CMYA5: variants seen among roughly 807,000 people sequenced by gnomAD.
CMYA5 encodes cardiomyopathy-associated protein 5.
A neutral mutation model predicts 318.9 loss-of-function variants in CMYA5; 246 were observed. That is an observed-to-expected ratio of 0.77 (90% confidence interval 0.70 to 0.86). The LOEUF (loss-of-function observed/expected upper bound fraction) is 0.86. Ranked by LOEUF, CMYA5 falls within the 40% of genes least tolerant of loss-of-function variation. CMYA5 has a pLI of 0.00. For missense variants in CMYA5, 4,589 were observed against 4,678.2 expected (o/e 0.98, Z 0.56); for synonymous variants, 1,641 against 1,729.5 (o/e 0.95, Z 1.27).
In CMYA5 at chr5:79,735,782, T is replaced by C; in HGVS notation, c.7017T>C (p.His2339=). The C allele has an allele frequency of 6.4e-7, 1 of 1,562,330 alleles. No individual in the cohort carries two copies. Among genetic ancestry groups the C allele is most frequent in the Non-Finnish European group, 8.6e-7 (1 of 1,162,126 alleles). Reference sequence around the variant, plus strand: ...AAGCCAAAACTATTGTTCCTCCTCATGTTACTGATAGTAAAAGAGTCCAGA... The same window carrying C: ...AAGCCAAAACTATTGTTCCTCCTCACGTTACTGATAGTAAAAGAGTCCAGA... ...MEEAKTIVPP[H]VTDSKRVQKP... The change falls in exon 2 of 13, where the codon CAT becomes CAC. Residue 2339 remains histidine (H), a synonymous_variant. Transcript: ENST00000446378.
At chr5:79,712,387 T>C (rs1827411781) in intron 1 of CMYA5, among the ~76,000 whole-genome samples, 1 of 152,180 alleles carries the variant, frequency 6.6e-6, no homozygotes, top group South Asian at 2.1e-4. Flanking sequence ...GTAATTTTTG[T>C]ATTTTTGTAT....
rs1561213928 is a variant in CMYA5, at chr5:79,738,602, AG to A, written c.9841del (p.Glu3281LysfsTer28). ...DDSYQPIAAEGEIWGKFGTIC... is the reference protein window; with the variant it reads ...DDSYQPIAAEXEIWGKFGTIC... ...ATTCATACCAACCGATAGCTGCAGAAGGGGAAATTTGGGGAAAGTTTGGAAC... is the reference window on the plus strand; with the variant it reads ...ATTCATACCAACCGATAGCTGCAGAAGGGAAATTTGGGGAAAGTTTGGAAC... On this transcript the variant is annotated frameshift_variant, in exon 2 of 13. Coordinates refer to ENST00000446378, the MANE Select transcript of CMYA5 (RefSeq NM_153610.5). LOFTEE classifies it high-confidence loss of function. 1 of 1,613,832 alleles carries A rather than the reference AG, an allele frequency of 6.2e-7. No individual in the cohort carries two copies. Among genetic ancestry groups the A allele is most frequent in the East Asian group, 2.2e-5 (1 of 44,884 alleles).
chr5:79,767,678 T>C (rs1828780405), intron 9 of CMYA5, among the ~76,000 whole-genome samples: 1 of 152,262 alleles, frequency 6.6e-6, no homozygotes, highest in Admixed American at 6.5e-5. Context: ...CTGTTTGTTA[T>C]GATTTCCATT....
chr5:79,716,954 A>G (rs1303572524), intron 1 of CMYA5, among the ~76,000 whole-genome samples: 2 of 152,228 alleles, frequency 1.3e-5, no homozygotes, highest in Non-Finnish European at 2.9e-5. Flanking sequence ...CCATATGGTA[A>G]TCTTGCTGTA....
In CMYA5 at chr5:79,745,328, A is replaced by G; in HGVS notation, c.10841A>G (p.Lys3614Arg). 2 of 1,610,982 alleles carry G rather than the reference A, an allele frequency of 1.2e-6. No homozygotes were observed. Among genetic ancestry groups the G allele is most frequent in the Non-Finnish European group, 1.7e-6 (2 of 1,177,382 alleles). ...DEKAQSFEEVKKKKMEFLHEQ... is the reference protein window; with the variant it reads ...DEKAQSFEEVRKKKMEFLHEQ... ...AAAGCCCAGAGCTTTGAGGAAGTGAAGAAGAAGAAGATGGAGTTCCTGCAT... is the reference window on the plus strand; with the variant it reads ...AAAGCCCAGAGCTTTGAGGAAGTGAGGAAGAAGAAGATGGAGTTCCTGCAT... Residue 3614 changes from lysine to arginine, a missense_variant, in exon 4 of 13, where the codon AAG becomes AGG. Coordinates refer to ENST00000446378, the MANE Select transcript of CMYA5 (RefSeq NM_153610.5).
intron 6 of CMYA5, 150 bp from the exon 7 acceptor site, chr5:79,758,603 G>A: frequency 2.5e-6 from 1 of 404,234 alleles, no homozygotes. Context: ...TATAATTGGG[G>A]TTGGGGGTTT....
rs75554830 is a variant in CMYA5, at chr5:79,725,862, A to G, written c.150-3053A>G. On this transcript the variant is annotated intron_variant, in intron 1 of 12. Transcript: ENST00000446378. ...GAGGTTGCAGTGAGCCAAGACTGCA[A>G]CCCTGCACTCCAGCCTGGGCAACAG... is the stretch of plus-strand genomic sequence containing the variant. Among the ~76,000 whole-genome samples the G allele has an allele frequency of 1.1e-4, 16 of 152,108 alleles. No individual in the cohort carries two copies. In the South Asian group the frequency reaches 2.9e-3, roughly 28 times the overall value.
At chr5:79,746,547 TAAAAA>T (rs11423461) in intron 4 of CMYA5, among the ~76,000 whole-genome samples, 15 of 68,912 alleles carry the variant, frequency 2.2e-4, no homozygotes, top group African/African-American at 6.8e-4. Context: ...GAGCAAACTG[TAAAAA>T]AAAAAAAAAA....
chr5:79,745,769 A>C (rs1480988131), intron 4 of CMYA5, among the ~76,000 whole-genome samples: 1 of 152,094 alleles, frequency 6.6e-6, no homozygotes, highest in Admixed American at 6.5e-5. Flanking sequence ...TGTTCCTGCC[A>C]TGCTTTCCCT....
chr5:79,751,766 G>A (rs1240705644), intron 5 of CMYA5, among the ~76,000 whole-genome samples: 6 of 152,138 alleles, frequency 3.9e-5, no homozygotes, highest in South Asian at 2.1e-4. Flanking sequence ...GACAAAAACC[G>A]AAGAGGCTGT....
chr5:79,770,100 C>G (rs1021813672), intron 9 of CMYA5, among the ~76,000 whole-genome samples: 2 of 152,114 alleles, frequency 1.3e-5, no homozygotes, highest in Non-Finnish European at 2.9e-5. Context: ...TTGTTGACAC[C>G]GTGAGGGGAA....
chr5:79,798,319 C>T (rs1308739299), intron 12 of CMYA5, among the ~76,000 whole-genome samples: 1 of 152,156 alleles, frequency 6.6e-6, no homozygotes, highest in Non-Finnish European at 1.5e-5. Context: ...GCTCCCACCC[C>T]TCCAGCCTAC....
Position 79,761,969 on chromosome 5 carries a change from G to T in CMYA5, c.11407+12G>T. 1 of 1,606,676 alleles carries T rather than the reference G, an allele frequency of 6.2e-7. No homozygotes were observed. The highest frequency in any genetic ancestry group is 8.5e-7 in the Non-Finnish European group (1 of 1,176,818). On this transcript the variant is annotated intron_variant, in intron 8 of 12. Coordinates refer to ENST00000446378, the MANE Select transcript of CMYA5 (RefSeq NM_153610.5). ...CATCTTTAGGACAGGTAAGGAGATG[G>T]ATGCTAAGGGTGCATTAGAAGACAA...
rs1314527060 is a variant in CMYA5, at chr5:79,800,132, A to G, written c.*516A>G. ...TTTGTAATAATGTATACTGTAGAAC[A>G]TGAGTCTCTCCTCCCTAAAATTTTA... On this transcript the variant is annotated 3_prime_UTR_variant, in exon 13 of 13. Transcript: ENST00000446378. 6.5e-6 allele frequency: 1 copy of G among 152,880 alleles called. No individual in the cohort carries two copies. The highest frequency in any genetic ancestry group is 1.5e-5 in the Non-Finnish European group (1 of 68,214). 9.5% of individuals were successfully genotyped at this position (152,880 alleles called of 1,614,324 possible). A position where few individuals can be genotyped will look rare whatever the true frequency, so the allele number is the denominator to read the frequency against.
intron 10 of CMYA5, among the ~76,000 whole-genome samples, chr5:79,789,800 G>A (rs1453752505): frequency 6.6e-6 from 1 of 152,046 alleles, no homozygotes; most frequent in Non-Finnish European, 1.5e-5. Flanking sequence ...GGTAGGTTGG[G>A]GATATTCTTT....
rs1314199158 is a variant in CMYA5, at chr5:79,733,123, C to G, written c.4358C>G (p.Ser1453Cys). The G allele has an allele frequency of 6.2e-7, 1 of 1,613,686 alleles. No individual in the cohort carries two copies. The highest frequency in any genetic ancestry group is 8.5e-7 in the Non-Finnish European group (1 of 1,179,848). ...IKFDSLPSVSSIAEHSVLSEV... is the reference protein window; with the variant it reads ...IKFDSLPSVSCIAEHSVLSEV... ...TTTGATTCACTTCCAAGTGTCTCCT[C>G]TATAGCAGAGCATTCTGTTTTGTCA... The change falls in exon 2 of 13, where the codon TCT becomes TGT. Residue 1453 changes from serine to cysteine, a missense_variant. Physicochemically the swap from Ser to Cys is moderately radical, Grantham distance 112. Around this residue, in one of 3 missense-constraint regions of CMYA5, gnomAD observed 2,132 missense variants for 2,131.3 expected, o/e 1.00. Coordinates refer to ENST00000446378, the MANE Select transcript of CMYA5 (RefSeq NM_153610.5).
At chr5:79,703,282 A>G (rs2151076191) in intron 1 of CMYA5, among the ~76,000 whole-genome samples, 1 of 152,340 alleles carries the variant, frequency 6.6e-6, no homozygotes, top group African/African-American at 2.4e-5. Flanking sequence ...AAAATACAAC[A>G]TAGGTCAGTG....
rs145049338 is a variant in CMYA5 at position 79,743,114 on chromosome 5, T to G, written c.10639-713T>G. Among the ~76,000 whole-genome samples, 18 of 152,356 alleles carry G rather than the reference T, an allele frequency of 1.2e-4. No individual in the cohort carries two copies. In the East Asian group the frequency reaches 3.3e-3, roughly 28 times the overall value. On this transcript the variant is annotated intron_variant, in intron 2 of 12. Coordinates refer to ENST00000446378, the MANE Select transcript of CMYA5 (RefSeq NM_153610.5). ...GATCCTGAAGAGGCCTCCATCAATG[T>G]TGTATCTCCATCAGTCTGTGGTAGT...
chr5:79,709,627 TA>T (rs540220049), intron 1 of CMYA5, among the ~76,000 whole-genome samples: 2 of 151,724 alleles, frequency 1.3e-5, no homozygotes, highest in Non-Finnish European at 2.9e-5. Flanking sequence ...AACTAATCTT[TA>T]AAAAAACGAC....
Sources: gnomAD v4.1 joint callset for allele counts (sites outside exome capture counted in the v4.1 genomes callset) on GRCh38, gnomAD v4.1.1 for gene constraint, gnomAD v4.1.1 regional missense constraint, MANE v1.5 for transcripts, NCBI Gene and HGNC (gene_info 2026-07-23, HGNC 2026-07-21) for gene names.